ZNF695: variants seen among roughly 807,000 people sequenced by gnomAD.
The protein encoded by ZNF695 is zinc finger protein 695, also known as zinc finger protein SBZF3.
Under a neutral mutation model 11.2 loss-of-function variants are expected in ZNF695, and 11 were observed. The observed-to-expected ratio is 0.98, with a 90% CI of 0.62 to 1.62. ZNF695 has a LOEUF of 1.62. Among genes scored for constraint, ZNF695 ranks in the 40% most tolerant of loss-of-function variants. ZNF695 has a pLI of 0.00. For synonymous variants in ZNF695, 190 were observed against 201.4 expected (o/e 0.94, Z 0.48); for missense variants, 559 against 590.5 (o/e 0.95, Z 0.55).
chr1:246,965,742 CAG>C (rs1365565791), intron 5 of ZNF695, among the ~76,000 whole-genome samples: 2 of 151,816 alleles, frequency 1.3e-5, no homozygotes, highest in African/African-American at 2.4e-5. Context: ...GCCTGGGTGA[CAG>C]TGCAAAAAAC....
At chr1:246,996,279 T>G in intron 3 of ZNF695, 2 of 271,980 alleles carry the variant, frequency 7.4e-6, no homozygotes, top group Non-Finnish European at 7.2e-6. Context: ...CACTTGAATC[T>G]GGAAGGTGGA....
At chr1:246,965,089 C>T (rs1488217906) in intron 5 of ZNF695, among the ~76,000 whole-genome samples, 2 of 151,914 alleles carry the variant, frequency 1.3e-5, no homozygotes, top group Non-Finnish European at 2.9e-5. Flanking sequence ...CAAGACAGGC[C>T]GGGCACGGTG....
chr1:246,958,005 C>T (rs1252384385), intron 5 of ZNF695, among the ~76,000 whole-genome samples: 1 of 151,814 alleles, frequency 6.6e-6, no homozygotes, highest in Admixed American at 6.6e-5. Context: ...ATCTATGTTT[C>T]TTCTCTTTGA....
At position 246,987,197 on chromosome 1, in the gene ZNF695, C is replaced by G. The variant is rs767148012; in HGVS notation, c.1318G>C (p.Glu440Gln). The part of the protein sequence containing the change: ...HTGEKPYKCD[E>Q]CGKAFNWFSY... ...AACCAGTTAAAAGCTTTGCCACATT[C>G]ATCACATTTGTAGGGTTTCTCTCCA... The change falls in exon 4 of 4, where the codon GAA becomes CAA. Residue 440 changes from glutamate to glutamine, a missense_variant. Physicochemically the swap from Glu to Gln is conservative, Grantham distance 29 (BLOSUM62 2). Transcript: ENST00000339986. 62 of 1,613,698 alleles carry G rather than the reference C, an allele frequency of 3.8e-5. No homozygotes were observed. The highest frequency in any genetic ancestry group is 4.9e-5 in the Non-Finnish European group (58 of 1,179,970).
chr1:246,971,206 C>T (rs1407620400), intron 4 of ZNF695, among the ~76,000 whole-genome samples: 2 of 152,152 alleles, frequency 1.3e-5, no homozygotes, highest in African/African-American at 4.8e-5. Context: ...CATTTGGTAG[C>T]CCAGGCAGAG....
At chr1:246,998,732 C>A (rs1401933354) in intron 3 of ZNF695, among the ~76,000 whole-genome samples, 1 of 152,156 alleles carries the variant, frequency 6.6e-6, no homozygotes, top group Non-Finnish European at 1.5e-5. Flanking sequence ...CTTTGGGAGG[C>A]CGAGGCAGGT....
chr1:246,958,792 G>A (rs1232412620), intron 5 of ZNF695, among the ~76,000 whole-genome samples: 2 of 152,084 alleles, frequency 1.3e-5, no homozygotes, highest in African/African-American at 2.4e-5. Flanking sequence ...CCCCATTTTC[G>A]GGTGATTTGT....
chr1:246,966,477 T>TC (rs1668294269), intron 5 of ZNF695, among the ~76,000 whole-genome samples: 1 of 151,486 alleles, frequency 6.6e-6, no homozygotes, highest in Non-Finnish European at 1.5e-5. Flanking sequence ...CAAGACTCCA[T>TC]CCCCCCACCA....
At chr1:246,977,272 T>G (rs1180911764) in intron 4 of ZNF695, among the ~76,000 whole-genome samples, 2 of 152,242 alleles carry the variant, frequency 1.3e-5, no homozygotes, top group African/African-American at 4.8e-5. Flanking sequence ...TTTGTTGTTG[T>G]TTTTGAGACA....
chr1:246,984,017 G>A (rs1668777204), downstream of ZNF695, among the ~76,000 whole-genome samples: 1 of 151,046 alleles, frequency 6.6e-6, no homozygotes, highest in African/African-American at 2.4e-5. Context: ...CTAGGAGTGG[G>A]GGTGCACACT....
intron 4 of ZNF695, among the ~76,000 whole-genome samples, chr1:246,970,293 G>A (rs1256282592): frequency 6.6e-6 from 1 of 152,180 alleles, no homozygotes; most frequent in East Asian, 1.9e-4. Context: ...AGGACTGTAG[G>A]TAGTGTAAAG....
downstream of ZNF695, among the ~76,000 whole-genome samples, chr1:246,985,065 C>T (rs1417729730): frequency 2.0e-5 from 3 of 152,142 alleles, no homozygotes; most frequent in Non-Finnish European, 4.4e-5. Context: ...ATTATCCATA[C>T]TTTTGAAATT....
downstream of ZNF695, among the ~76,000 whole-genome samples, chr1:246,980,889 C>T (rs1424030401): frequency 6.6e-6 from 1 of 152,054 alleles, no homozygotes; most frequent in Non-Finnish European, 1.5e-5. Context: ...AAATCCCAGG[C>T]AACACAAGCA....
At chr1:246,979,843 A>C (rs1668659473) in intron 4 of ZNF695, 1 of 152,778 alleles carries the variant, frequency 6.5e-6, no homozygotes. Context: ...GTTTTACCTT[A>C]TATTTATAGA....
chr1:246,970,413 G>A (rs938509926), intron 4 of ZNF695, among the ~76,000 whole-genome samples: 4 of 152,170 alleles, frequency 2.6e-5, no homozygotes, highest in Non-Finnish European at 4.4e-5. Context: ...GAGCCCAAGA[G>A]ATCTTGCTGA....
Position 246,987,531 on chromosome 1 carries a change from T to A in ZNF695, c.984A>T (p.Glu328Asp). 6.2e-7 allele frequency: 1 copy of A among 1,604,476 alleles called. No homozygotes were observed. The change falls in exon 4 of 4, where the codon GAA becomes GAT. Residue 328 changes from glutamate (E) to aspartate (D), a missense_variant. Glu to Asp is a conservative substitution (Grantham distance 45). Coordinates refer to ENST00000339986, the MANE Select transcript of ZNF695 (RefSeq NM_020394.5). ...HSREKPYKCE[E>D]CGKVFKLLSY... is the part of the protein sequence containing the mutation. ...ACAACAATTTAAAGACTTTGCCACA[T>A]TCTTCACACTTGTAGGGTTTCTCTC...
At chr1:246,948,983 C>T (rs1667805701) in intron 5 of ZNF695, among the ~76,000 whole-genome samples, 1 of 152,150 alleles carries the variant, frequency 6.6e-6, no homozygotes, top group Non-Finnish European at 1.5e-5. Flanking sequence ...TAGTAGGTGT[C>T]TGATGAATAT....
intron 4 of ZNF695, among the ~76,000 whole-genome samples, chr1:246,975,875 AGAAGAGAACAACTTATTCTATTAGGC>A (rs1334253520): frequency 3.5e-4 from 53 of 152,186 alleles, no homozygotes; most frequent in East Asian, 3.3e-3. Flanking sequence ...GAGGTAAAAG[AGAAGAGAACAACTTATTCTATTAGGC>A]GAAGAGAACA....
At chr1:246,951,666 G>A (rs1667872415) in intron 5 of ZNF695, among the ~76,000 whole-genome samples, 1 of 152,218 alleles carries the variant, frequency 6.6e-6, no homozygotes, top group South Asian at 2.1e-4. Flanking sequence ...CAACCACAGA[G>A]GCCCTGGTCC....
Sources: allele counts gnomAD v4.1 joint callset (sites outside exome capture counted in the v4.1 genomes callset), GRCh38; gene constraint gnomAD v4.1.1; transcripts MANE v1.5; gene names NCBI Gene and HGNC (gene_info 2026-07-23, HGNC 2026-07-21).